Variants in EEA1 observed in about 807,000 individuals in gnomAD.
EEA1 encodes the protein early endosome antigen 1.
In EEA1, 111 loss-of-function variants were observed where a neutral mutation model predicts 209.2. The ratio of observed to expected loss-of-function variants is 0.53; its 90% CI spans 0.45 to 0.62. The LOEUF is 0.62. Among genes scored for constraint, EEA1 ranks in the 20% least tolerant of loss-of-function variants. The pLI is 0.00. For missense variants in EEA1, 1,343 were observed against 1,530.8 expected (o/e 0.88, Z 2.05); for synonymous variants, 536 against 540.6 (o/e 0.99, Z 0.12).
At chr12:92,799,622 TA>T in intron 20 of EEA1, among the ~76,000 whole-genome samples, 1 of 151,514 alleles carries the variant, frequency 6.6e-6, no homozygotes, top group Non-Finnish European at 1.5e-5. Context: ...CCATCTCTAC[TA>T]AAAATACAAA....
intron 13 of EEA1, among the ~76,000 whole-genome samples, chr12:92,825,576 G>T (rs1006767869): frequency 1.3e-4 from 20 of 151,878 alleles, no homozygotes; most frequent in African/African-American, 4.6e-4. Context: ...AAGGTATGCT[G>T]CAGACTTTGT....
intron 22 of EEA1, among the ~76,000 whole-genome samples, chr12:92,782,652 T>C (rs1366584368): frequency 6.6e-6 from 1 of 152,222 alleles, no homozygotes; most frequent in East Asian, 1.9e-4. Context: ...TATGATATAG[T>C]GGTTTTTGTC....
intron 2 of EEA1, among the ~76,000 whole-genome samples, chr12:92,868,239 T>C (rs920434119): frequency 6.6e-6 from 1 of 152,186 alleles, no homozygotes; most frequent in African/African-American, 2.4e-5. Context: ...GATGTTAGTC[T>C]AGCTGCTGTT....
chr12:92,858,547 G>A, intron 3 of EEA1: 2 of 775,770 alleles, frequency 2.6e-6, no homozygotes, highest in South Asian at 2.8e-5. Context: ...TTTAACCATT[G>A]TCTTAGCATA....
At chr12:92,923,578 C>A (rs1881095667) in intron 1 of EEA1, among the ~76,000 whole-genome samples, 1 of 152,104 alleles carries the variant, frequency 6.6e-6, no homozygotes. Flanking sequence ...GCAAAGACTT[C>A]CACAATCTCT....
At chr12:92,883,693 G>A (rs1014051345) in intron 2 of EEA1, 2 of 745,608 alleles carry the variant, frequency 2.7e-6, no homozygotes, top group East Asian at 4.9e-5. Context: ...AATACAGTGA[G>A]ACACGTTCAT....
intron 5 of EEA1, among the ~76,000 whole-genome samples, chr12:92,855,685 C>T (rs1369412198): frequency 6.6e-6 from 1 of 152,070 alleles, no homozygotes; most frequent in East Asian, 1.9e-4. Flanking sequence ...TTTTGTTTCT[C>T]TATACATTGA....
chr12:92,803,704 T>C (rs959645724), intron 18 of EEA1, among the ~76,000 whole-genome samples: 21 of 152,050 alleles, frequency 1.4e-4, no homozygotes, highest in Non-Finnish European at 1.9e-4. Flanking sequence ...CACTTTTACC[T>C]CCTAAAAAAT....
At chr12:92,926,886 A>G (rs12321786) in intron 1 of EEA1, among the ~76,000 whole-genome samples, 223 of 151,938 alleles carry the variant, frequency 1.5e-3, no homozygotes, top group African/African-American at 5.2e-3. Flanking sequence ...TGTCCTCTTC[A>G]TTATTCTATT....
chr12:92,801,555 C>T, intron 20 of EEA1, 45 bp downstream of exon 20: 1 of 1,247,400 alleles, frequency 8.0e-7, no homozygotes, highest in Admixed American at 2.5e-5. Context: ...ATATAAAGAC[C>T]TTACTATACT....
At chr12:92,910,907 A>C (rs1251448473) in intron 1 of EEA1, among the ~76,000 whole-genome samples, 1 of 152,274 alleles carries the variant, frequency 6.6e-6, no homozygotes, top group Middle Eastern at 3.2e-3. Context: ...ATACACCATC[A>C]GGGTAATGCA....
At chr12:92,802,294 A>T in intron 19 of EEA1, 110 bp downstream of exon 19, 1 of 1,008,020 alleles carries the variant, frequency 9.9e-7, no homozygotes, top group Non-Finnish European at 1.4e-6. Flanking sequence ...GAACTACTTT[A>T]AACTATTTAA....
rs1873485391 is a variant in EEA1 at position 92,772,771 on chromosome 12, G to A, written c.*3240C>T. ...CAAATAATGAACCCAAAAACTAAATGAGAAAATGTTCATGCATAAGTATCT... is the reference window on the plus strand; with the variant it reads ...CAAATAATGAACCCAAAAACTAAATAAGAAAATGTTCATGCATAAGTATCT... On this transcript the variant is annotated 3_prime_UTR_variant, in exon 29 of 29. Transcript: ENST00000322349. 1 of 152,140 alleles carries A rather than the reference G, an allele frequency of 6.6e-6. No homozygotes were observed. The allele number at this position is 152,140 out of a possible 1,614,324, so 9.4% of individuals were successfully genotyped here. A position where few individuals can be genotyped will look rare whatever the true frequency, so the allele number is the denominator to read the frequency against.
intron 10 of EEA1, among the ~76,000 whole-genome samples, chr12:92,838,336 CATA>C (rs1222628725): frequency 6.6e-6 from 1 of 152,102 alleles, no homozygotes; most frequent in Admixed American, 6.5e-5. Flanking sequence ...TTGAGAAACA[CATA>C]ATAACACTGA....
At chr12:92,800,812 C>A (rs1874874929) in intron 20 of EEA1, among the ~76,000 whole-genome samples, 1 of 152,156 alleles carries the variant, frequency 6.6e-6, no homozygotes, top group Non-Finnish European at 1.5e-5. Flanking sequence ...AATGGCATAG[C>A]CAGGATATAA....
At position 92,884,220 on chromosome 12, in the gene EEA1, T is replaced by A. The variant is rs1320525769; in HGVS notation, c.117+7409A>T. The A allele has an allele frequency of 2.0e-6, 3 of 1,516,080 alleles. No individual in the cohort carries two copies. The East Asian group carries it at 6.8e-5, about 34-fold the overall frequency. 93.9% of individuals were successfully genotyped at this position (1,516,080 alleles called of 1,614,324 possible). A position where few individuals can be genotyped will look rare whatever the true frequency, so the allele number is the denominator to read the frequency against. On this transcript the variant is annotated intron_variant, in intron 2 of 28. Coordinates refer to ENST00000322349, the MANE Select transcript of EEA1 (RefSeq NM_003566.4). The stretch of plus-strand genomic sequence containing the variant: ...GCCAAGAAAAGGGGCTTTGCCTTTG[T>A]AACCTTTGACGACCATGACTCCGTG...
chr12:92,915,658 T>C (rs933340373), intron 1 of EEA1, among the ~76,000 whole-genome samples: 10 of 152,172 alleles, frequency 6.6e-5, no homozygotes, highest in Non-Finnish European at 1.0e-4. Context: ...AACTGATATT[T>C]TCCCTACAAT....
At chr12:92,876,946 T>G (rs938462933) in intron 2 of EEA1, among the ~76,000 whole-genome samples, 19 of 150,512 alleles carry the variant, frequency 1.3e-4, no homozygotes, top group African/African-American at 3.6e-4. Flanking sequence ...GGGTGTTGTT[T>G]TTTTTTTTTG....
chr12:92,898,731 CTTTTTTT>C (rs772593153), intron 1 of EEA1, among the ~76,000 whole-genome samples: 54 of 76,120 alleles, frequency 7.1e-4, no homozygotes, highest in African/African-American at 2.5e-3. Flanking sequence ...CTTTTTTTCC[CTTTTTTT>C]TTTTTTTTTT....
Sources: allele counts gnomAD v4.1 joint callset (sites outside exome capture counted in the v4.1 genomes callset), GRCh38; gene constraint gnomAD v4.1.1; transcripts MANE v1.5; gene names NCBI Gene and HGNC (gene_info 2026-07-23, HGNC 2026-07-21).